Variants in ACO2 observed in about 807,000 individuals in gnomAD.
ACO2 encodes aconitase 2.
Under a neutral mutation model 84.5 loss-of-function variants are expected in ACO2, and 31 were observed. The ratio of observed to expected loss-of-function variants is 0.37; its 90% CI spans 0.28 to 0.50. The LOEUF (loss-of-function observed/expected upper bound fraction) is 0.50, where lower values mean the gene tolerates loss of function less well. Among genes scored for constraint, ACO2 ranks in the 20% least tolerant of loss-of-function variants. The pLI is 0.97. For missense variants in ACO2, 685 were observed against 1,029.3 expected (o/e 0.67, Z 4.58); for synonymous variants, 414 against 412.7 (o/e 1.00, Z -0.04).
At chr22:41,527,488 C>A in intron 16 of ACO2, 68 bp downstream of exon 16, 1 of 1,543,190 alleles carries the variant, frequency 6.5e-7, no homozygotes, top group Non-Finnish European at 8.7e-7. Flanking sequence ...TCTCCCTGCC[C>A]GTGGCTGAGT....
At chr22:41,506,115 T>C (rs1470580482) in intron 2 of ACO2, among the ~76,000 whole-genome samples, 2 of 152,044 alleles carry the variant, frequency 1.3e-5, no homozygotes, top group Non-Finnish European at 2.9e-5. Context: ...AGAGACAGCA[T>C]GTCACTCTGT....
chr22:41,521,253 A>G (rs2066524545), intron 9 of ACO2: 1 of 152,220 alleles, frequency 6.6e-6, no homozygotes, highest in Admixed American at 6.5e-5. Flanking sequence ...TACATTTTAT[A>G]TCACCCATGC....
At chr22:41,490,527 G>C (rs1232043044) in intron 1 of ACO2, among the ~76,000 whole-genome samples, 6 of 152,190 alleles carry the variant, frequency 3.9e-5, no homozygotes, top group Admixed American at 2.0e-4. Context: ...CAATTGGGTT[G>C]TTCTCTTAAA....
At chr22:41,525,998 C>A in intron 14 of ACO2, 1 of 410,290 alleles carries the variant, frequency 2.4e-6, no homozygotes, top group Non-Finnish European at 4.4e-6. Context: ...GAACATTGAC[C>A]TGTCCCAACT....
At position 41,528,414 on chromosome 22, in the gene ACO2, CCCCCTGCGGGGCCAAGGG is replaced by C. The variant is rs2146157300; in HGVS notation, c.2209-63_2209-46del. 2.5e-6 allele frequency: 4 copies of C among 1,580,368 alleles called. No individual in the cohort carries two copies. The South Asian group carries it at 3.5e-5, about 14-fold the overall frequency. On this transcript the variant is annotated intron_variant, in intron 17 of 17. Coordinates refer to ENST00000216254, the MANE Select transcript of ACO2 (RefSeq NM_001098.3). ...CCAGGCAGTGCCCTGTCTCCCTGAC[CCCCCTGCGGGGCCAAGGG>C]CACACAGTACCCACCACTTCCACCC... is the stretch of plus-strand genomic sequence containing the variant.
At position 41,525,365 on chromosome 22, in the gene ACO2, C is replaced by T. The variant is rs139228290; in HGVS notation, c.1761+17C>T. On this transcript the variant is annotated intron_variant, in intron 14 of 17. Coordinates refer to ENST00000216254, the MANE Select transcript of ACO2 (RefSeq NM_001098.3). ...CTCATCAAGGTCAGCAGCATGGGGA[C>T]GGCAGGACAGCCCCACCCTGCCAGG... 41 of 1,612,600 alleles carry T rather than the reference C, an allele frequency of 2.5e-5. 1 individual carries two copies. Among genetic ancestry groups the T allele is most frequent in the South Asian group, 2.3e-4 (21 of 91,032 alleles).
chr22:41,524,813 T>G, intron 12 of ACO2, 33 bp from the exon 13 acceptor site: 3 of 1,614,070 alleles, frequency 1.9e-6, no homozygotes, highest in Non-Finnish European at 2.5e-6. Context: ...TGGCAATTGG[T>G]GCTGACCAAC....
chr22:41,501,788 T>C (rs2066355536), intron 2 of ACO2, among the ~76,000 whole-genome samples: 1 of 152,162 alleles, frequency 6.6e-6, no homozygotes, highest in African/African-American at 2.4e-5. Flanking sequence ...GCCACTTTGC[T>C]TTCTATCTAC....
Position 41,515,787 on chromosome 22 carries a change from G to A in ACO2, c.705G>A (p.Thr235=), listed in dbSNP as rs771553504. Residue 235 remains threonine (T), a synonymous_variant, in exon 6 of 18, where the codon ACG becomes ACA. Coordinates refer to ENST00000216254, the MANE Select transcript of ACO2 (RefSeq NM_001098.3). This position sits in a 1 kb window ranked among gnomAD's most constrained non-coding sequence, Gnocchi z 5.8. ...TCCAGGTGATTGGCGTGAAGCTGAC[G>A]GGCTCTCTCTCCGGTTGGTCCTCAC... ...KCPKVIGVKL[T]GSLSGWSSPK... The A allele has an allele frequency of 1.2e-5, 19 of 1,613,706 alleles. No homozygotes were observed. In the East Asian group the frequency reaches 1.8e-4, roughly 15 times the overall value.
intron 1 of ACO2, among the ~76,000 whole-genome samples, chr22:41,474,724 G>A (rs566939315): frequency 2.0e-5 from 3 of 148,768 alleles, no homozygotes; most frequent in South Asian, 4.3e-4. Context: ...TCAGCCTCCT[G>A]AGTAGCTGGA....
intron 4 of ACO2, among the ~76,000 whole-genome samples, chr22:41,514,802 A>G (rs1569016935): frequency 1.3e-5 from 2 of 152,228 alleles, no homozygotes; most frequent in East Asian, 3.8e-4. Flanking sequence ...CGCCTTGAGC[A>G]AGTCACATGG....
chr22:41,480,791 C>T (rs1275692444), intron 1 of ACO2, among the ~76,000 whole-genome samples: 3 of 152,090 alleles, frequency 2.0e-5, no homozygotes, highest in Admixed American at 6.6e-5. Flanking sequence ...CTTTCTAATC[C>T]TCACAAAATC....
intron 13 of ACO2, 55 bp downstream of exon 13, chr22:41,525,023 C>T: frequency 1.2e-6 from 2 of 1,613,524 alleles, no homozygotes; most frequent in Non-Finnish European, 1.7e-6. Context: ...TCACTTCCTT[C>T]TCAACCTCAC....
At chr22:41,489,961 C>G (rs111298407) in intron 1 of ACO2, among the ~76,000 whole-genome samples, 1,625 of 152,236 alleles carry the variant, frequency 0.011, 18 homozygotes, top group Non-Finnish European at 0.016. Context: ...GTATGCTTTT[C>G]TTCACTATTT....
At chr22:41,492,402 C>T (rs774618308) in intron 1 of ACO2, among the ~76,000 whole-genome samples, 1 of 151,910 alleles carries the variant, frequency 6.6e-6, no homozygotes, top group Non-Finnish European at 1.5e-5. Context: ...TTTGGGAGGC[C>T]GAGGCAGGCG....
intron 3 of ACO2, 57 bp downstream of exon 3, chr22:41,508,106 C>T: frequency 1.3e-6 from 2 of 1,560,208 alleles, no homozygotes; most frequent in South Asian, 1.2e-5. Context: ...CGAGAGGCCT[C>T]ACCCTCACAC....
In ACO2 at chr22:41,469,289, C is replaced by G. The variant is rs1034429022; in HGVS notation, c.36+107C>G. The G allele has an allele frequency of 2.9e-6, 4 of 1,360,116 alleles. No individual in the cohort carries two copies. In the African/African-American group the frequency reaches 6.0e-5, roughly 20 times the overall value. 84.3% of individuals were successfully genotyped at this position (1,360,116 alleles called of 1,614,324 possible). On this transcript the variant is annotated intron_variant, in intron 1 of 17. Transcript: ENST00000216254. Reference sequence around the variant, plus strand: ...GGCGGGCCCAACCTGGGGCCAACTTCTCGTGTACCTGTCCCGGTTGTGGGC... The same window carrying G: ...GGCGGGCCCAACCTGGGGCCAACTTGTCGTGTACCTGTCCCGGTTGTGGGC...
Position 41,515,741 on chromosome 22 carries a change from C to A in ACO2, c.685-26C>A. On this transcript the variant is annotated intron_variant, in intron 5 of 17. Coordinates refer to ENST00000216254, the MANE Select transcript of ACO2 (RefSeq NM_001098.3). This position sits in a 1 kb window ranked among gnomAD's most constrained non-coding sequence, Gnocchi z 5.8. ...TGGCACAGGCACACACGGCCTCTCACAGCCGCCTCGCCCCCTCCTGTCCAG... is the reference window on the plus strand; with the variant it reads ...TGGCACAGGCACACACGGCCTCTCAAAGCCGCCTCGCCCCCTCCTGTCCAG... The A allele has an allele frequency of 6.2e-7, 1 of 1,612,392 alleles. No homozygotes were observed. Among genetic ancestry groups the A allele is most frequent in the Non-Finnish European group, 8.5e-7 (1 of 1,179,828 alleles).
chr22:41,509,872 C>CA (rs1192230729), intron 3 of ACO2, among the ~76,000 whole-genome samples: 1 of 133,738 alleles, frequency 7.5e-6, no homozygotes, highest in African/African-American at 2.8e-5. Context: ...GGCTGGAGTG[C>CA]AGTGACACAC....
Sources: gnomAD v4.1 joint callset for allele counts (sites outside exome capture counted in the v4.1 genomes callset) on GRCh38, gnomAD v4.1.1 for gene constraint, Gnocchi (gnomAD v3.1) non-coding constraint, MANE v1.5 for transcripts, NCBI Gene and HGNC (gene_info 2026-07-23, HGNC 2026-07-21) for gene names.